Variants in NRXN3 observed in about 807,000 individuals in gnomAD.
NRXN3 encodes neurexin III.
NRXN3 carries 32 observed loss-of-function variants against 137.6 expected under a neutral mutation model. That is an observed-to-expected ratio of 0.23 (90% confidence interval 0.18 to 0.31). NRXN3 has a LOEUF of 0.31. NRXN3 is among the 10% of genes least tolerant of loss of function. The pLI is 1.00. For synonymous variants in NRXN3, 798 were observed against 784.5 expected, an observed-to-expected ratio of 1.02 and a Z score of -0.29; for missense variants, 1,574 against 2,062.5, an observed-to-expected ratio of 0.76 and a Z score of 4.59.
At chr14:78,812,465 A>G (rs2098917024) in intron 10 of NRXN3, among the ~76,000 whole-genome samples, 1 of 152,194 alleles carries the variant, frequency 6.6e-6, no homozygotes, top group Non-Finnish European at 1.5e-5. Flanking sequence ...TATTTGGAGA[A>G]CAGGGAACTG....
chr14:79,208,202 T>A (rs757094090), intron 15 of NRXN3, among the ~76,000 whole-genome samples: 13 of 152,224 alleles, frequency 8.5e-5, no homozygotes, highest in Non-Finnish European at 4.4e-5. Context: ...TAAACTGTTC[T>A]GGAGACAAAG....
chr14:79,550,007 G>C (rs1446090369), intron 16 of NRXN3, among the ~76,000 whole-genome samples: 2 of 151,858 alleles, frequency 1.3e-5, no homozygotes, highest in Non-Finnish European at 2.9e-5. Context: ...GTCTCACTCT[G>C]TCACCAGGCT....
At position 79,610,764 on chromosome 14, in the gene NRXN3, C is replaced by T. The variant is rs1170871437; in HGVS notation, c.3445-53014C>T. ...TTTCCATGTCACCTTCCTTAAGAAGCAGGGCAAAGAGGTGACAGTTTTTAT... is the reference window on the plus strand; with the variant it reads ...TTTCCATGTCACCTTCCTTAAGAAGTAGGGCAAAGAGGTGACAGTTTTTAT... On this transcript the variant is annotated intron_variant, in intron 16 of 20. Transcript: ENST00000335750. 2.6e-5 allele frequency among the ~76,000 whole-genome samples: 4 copies of T among 152,304 alleles called. No individual in the cohort carries two copies. In the East Asian group the frequency reaches 7.7e-4, roughly 29 times the overall value.
intron 6 of NRXN3, among the ~76,000 whole-genome samples, chr14:78,661,880 T>C (rs2097844645): frequency 6.6e-6 from 1 of 152,158 alleles, no homozygotes; most frequent in African/African-American, 2.4e-5. Flanking sequence ...TTTATTTTTT[T>C]TCTGAGACAG....
At chr14:78,474,502 A>G (rs1295208390) in intron 4 of NRXN3, among the ~76,000 whole-genome samples, 1 of 18,020 alleles carries the variant, frequency 5.5e-5, no homozygotes, top group Admixed American at 5.6e-4. Context: ...GTGCTGGCTC[A>G]ACTTATCAAG....
At chr14:79,582,479 G>T (rs1393701416) in intron 16 of NRXN3, among the ~76,000 whole-genome samples, 1 of 152,086 alleles carries the variant, frequency 6.6e-6, no homozygotes, top group South Asian at 2.1e-4. Context: ...GGAATGCAGT[G>T]GTGTGATCTC....
intron 1 of NRXN3, among the ~76,000 whole-genome samples, chr14:78,189,613 G>A (rs938604137): frequency 9.2e-5 from 14 of 151,720 alleles, no homozygotes; most frequent in Admixed American, 3.9e-4. Flanking sequence ...TTGAGATGGA[G>A]TCTTGTTCTG....
intron 15 of NRXN3, among the ~76,000 whole-genome samples, chr14:79,024,786 C>A (rs909154764): frequency 1.3e-5 from 2 of 152,162 alleles, no homozygotes; most frequent in Non-Finnish European, 2.9e-5. Flanking sequence ...TTATTCTCAT[C>A]AGCAAAATAT....
intron 15 of NRXN3, among the ~76,000 whole-genome samples, chr14:79,023,770 G>T (rs891092430): frequency 2.0e-5 from 3 of 152,062 alleles, no homozygotes; most frequent in African/African-American, 4.8e-5. Context: ...CACAAGAACA[G>T]CATGGGGTAA....
chr14:78,948,018 G>T (rs2099370847), intron 10 of NRXN3, among the ~76,000 whole-genome samples: 1 of 152,212 alleles, frequency 6.6e-6, no homozygotes, highest in Non-Finnish European at 1.5e-5. Flanking sequence ...TGTAACATTT[G>T]AGTTACTGCA....
intron 4 of NRXN3, among the ~76,000 whole-genome samples, chr14:78,552,686 T>C (rs1465497496): frequency 1.3e-5 from 2 of 151,924 alleles, no homozygotes; most frequent in African/African-American, 4.8e-5. Flanking sequence ...AATAAATAAA[T>C]AAGTAGTAAT....
At chr14:78,822,401 G>A (rs1369350531) in intron 10 of NRXN3, among the ~76,000 whole-genome samples, 1 of 152,100 alleles carries the variant, frequency 6.6e-6, no homozygotes, top group Non-Finnish European at 1.5e-5. Context: ...GAGGCTGGGT[G>A]TGGTGTCTCA....
intron 4 of NRXN3, among the ~76,000 whole-genome samples, chr14:78,430,260 A>G (rs1490330660): frequency 2.0e-5 from 3 of 152,214 alleles, no homozygotes; most frequent in African/African-American, 7.2e-5. Context: ...ATGAAAAAGA[A>G]TAATTATTTT....
chr14:79,227,610 G>A (rs1011582101), intron 15 of NRXN3, among the ~76,000 whole-genome samples: 1 of 151,980 alleles, frequency 6.6e-6, no homozygotes, highest in Non-Finnish European at 1.5e-5. Context: ...CTTTTTATTG[G>A]TGGATTGTAC....
Position 79,862,082 on chromosome 14 carries a change from T to A in NRXN3, c.*118T>A. The A allele has an allele frequency of 4.8e-6, 4 of 828,714 alleles. No homozygotes were observed. The highest frequency in any genetic ancestry group is 7.5e-6 in the Non-Finnish European group (4 of 534,210). The allele number at this position is 828,714 out of a possible 1,614,324, so 51.3% of individuals were successfully genotyped here. ...TGCTGGAACTATGAAATGGGGTATA[T>A]AACCACGACTCTGGTGGGGAAAACC... On this transcript the variant is annotated 3_prime_UTR_variant, in exon 21 of 21. Transcript: ENST00000335750.
At position 78,644,451 on chromosome 14, in the gene NRXN3, A is replaced by T. The variant is rs1473585548; in HGVS notation, c.758-669A>T. Among the ~76,000 whole-genome samples the T allele has an allele frequency of 2.0e-5, 3 of 152,170 alleles. No homozygotes were observed. The East Asian group carries it at 5.8e-4, about 29-fold the overall frequency. ...CAGGGTCTTCAAAACAGGATACCCT[A>T]GAGCAGAGAGTCTTGAGTTTAACAG... On this transcript the variant is annotated intron_variant, in intron 4 of 20. Coordinates refer to ENST00000335750, the MANE Select transcript of NRXN3 (RefSeq NM_001330195.2).
chr14:79,474,688 C>G (rs1282120645), intron 16 of NRXN3, among the ~76,000 whole-genome samples: 1 of 152,090 alleles, frequency 6.6e-6, no homozygotes, highest in Non-Finnish European at 1.5e-5. Flanking sequence ...TTAGTATAAG[C>G]TTCCAAAGGG....
chr14:79,213,011 T>G (rs2067927935), intron 15 of NRXN3, among the ~76,000 whole-genome samples: 1 of 152,196 alleles, frequency 6.6e-6, no homozygotes, highest in Non-Finnish European at 1.5e-5. Flanking sequence ...CTGGTTAGTT[T>G]AGATACAATA....
At chr14:78,290,211 G>A (rs1343490353) in intron 3 of NRXN3, among the ~76,000 whole-genome samples, 1 of 152,158 alleles carries the variant, frequency 6.6e-6, no homozygotes, top group Non-Finnish European at 1.5e-5. Flanking sequence ...GCACTTAAGT[G>A]CCAAAATTTA....
Sources: gnomAD v4.1 joint callset for allele counts (sites outside exome capture counted in the v4.1 genomes callset) on GRCh38, gnomAD v4.1.1 for gene constraint, MANE v1.5 for transcripts, NCBI Gene and HGNC (gene_info 2026-07-23, HGNC 2026-07-21) for gene names.